DLG2: variants seen among roughly 807,000 people sequenced by gnomAD.
The protein encoded by DLG2 is discs large MAGUK scaffold protein 2.
Under a neutral mutation model 132.5 loss-of-function variants are expected in DLG2, and 45 were observed. The observed-to-expected ratio is 0.34, with a 90% CI of 0.27 to 0.44. The LOEUF (loss-of-function observed/expected upper bound fraction) is 0.44. Among genes scored for constraint, DLG2 ranks in the 20% least tolerant of loss-of-function variants. The pLI is 1.00. For missense variants in DLG2, 1,045 were observed against 1,196.9 expected, an observed-to-expected ratio of 0.87 and a Z score of 1.87; for synonymous variants, 424 against 419.6, an observed-to-expected ratio of 1.01 and a Z score of -0.13.
At chr11:84,999,809 C>T (rs986553995) in intron 6 of DLG2, among the ~76,000 whole-genome samples, 3 of 152,070 alleles carry the variant, frequency 2.0e-5, no homozygotes, top group African/African-American at 7.2e-5. Context: ...AAAGAAAACT[C>T]TTGCCTGGGG....
At chr11:85,472,826 C>T (rs575570437) in intron 3 of DLG2, among the ~76,000 whole-genome samples, 25 of 152,304 alleles carry the variant, frequency 1.6e-4, no homozygotes, top group Non-Finnish European at 2.8e-4. Flanking sequence ...AGCCCAGAAT[C>T]GGGCGAAGGG....
intron 19 of DLG2, among the ~76,000 whole-genome samples, chr11:83,590,445 G>A (rs570450915): frequency 6.6e-5 from 10 of 152,208 alleles, no homozygotes; most frequent in Admixed American, 2.0e-4. Context: ...AAACCAATGA[G>A]AACAAAGACA....
At chr11:84,720,724 G>T (rs2061727143) in intron 6 of DLG2, 1 of 152,762 alleles carries the variant, frequency 6.5e-6, no homozygotes, top group Admixed American at 6.5e-5. Flanking sequence ...GGCACTTAGA[G>T]GAGGGTTCAA....
At chr11:84,059,173 G>C in intron 11 of DLG2, 142 bp downstream of exon 11, 1 of 702,274 alleles carries the variant, frequency 1.4e-6, no homozygotes, top group Non-Finnish European at 2.3e-6. Context: ...TTTACCCTTT[G>C]TAACCACTAC....
chr11:84,802,782 C>G (rs949488788), intron 6 of DLG2, among the ~76,000 whole-genome samples: 4 of 151,908 alleles, frequency 2.6e-5, no homozygotes, highest in African/African-American at 9.7e-5. Flanking sequence ...CTCTTTGTTT[C>G]TTTTTCCTCA....
intron 8 of DLG2, among the ~76,000 whole-genome samples, chr11:84,240,814 AAT>A (rs1235459854): frequency 6.6e-6 from 1 of 152,220 alleles, no homozygotes; most frequent in Non-Finnish European, 1.5e-5. Flanking sequence ...GGGCACCTAC[AAT>A]ATAGCAGATA....
At chr11:85,547,896 TC>T (rs1392498586) in intron 3 of DLG2, among the ~76,000 whole-genome samples, 2 of 152,162 alleles carry the variant, frequency 1.3e-5, no homozygotes, top group Non-Finnish European at 2.9e-5. Flanking sequence ...TAACCCTTTT[TC>T]AAGGTTCTTA....
chr11:83,503,402 T>G (rs368422642), intron 21 of DLG2, among the ~76,000 whole-genome samples: 32 of 34,108 alleles, frequency 9.4e-4, no homozygotes, highest in Non-Finnish European at 1.4e-3. Flanking sequence ...TATATATATA[T>G]ATATATATAT....
intron 7 of DLG2, among the ~76,000 whole-genome samples, chr11:84,513,959 C>G (rs2099264768): frequency 6.6e-6 from 1 of 151,726 alleles, no homozygotes; most frequent in African/African-American, 2.4e-5. Context: ...GGGATTATAG[C>G]CATAATATAT....
intron 16 of DLG2, among the ~76,000 whole-genome samples, chr11:83,871,461 A>G (rs1393786931): frequency 6.6e-6 from 1 of 152,228 alleles, no homozygotes; most frequent in South Asian, 2.1e-4. Flanking sequence ...AACTACATTC[A>G]TTTAAAAAAT....
chr11:84,543,913 G>A (rs1248742262), intron 6 of DLG2, among the ~76,000 whole-genome samples: 2 of 152,166 alleles, frequency 1.3e-5, no homozygotes, highest in African/African-American at 4.8e-5. Flanking sequence ...CAAATCAGCT[G>A]TCTGCTTGCA....
At chr11:85,548,864 C>G (rs1042592140) in intron 3 of DLG2, among the ~76,000 whole-genome samples, 1 of 152,166 alleles carries the variant, frequency 6.6e-6, no homozygotes, top group African/African-American at 2.4e-5. Context: ...CATCGCGGGT[C>G]AAGCTCAGAC....
chr11:84,555,595 T>G (rs941381675), intron 6 of DLG2, among the ~76,000 whole-genome samples: 1 of 152,222 alleles, frequency 6.6e-6, no homozygotes, highest in Non-Finnish European at 1.5e-5. Context: ...TCCATTTATA[T>G]GAAGTGCCTA....
intron 18 of DLG2, among the ~76,000 whole-genome samples, chr11:83,718,083 G>A (rs550551388): frequency 6.6e-6 from 1 of 152,206 alleles, no homozygotes; most frequent in Non-Finnish European, 1.5e-5. Flanking sequence ...TGCAGCACAT[G>A]CTTTTGGGAG....
chr11:85,289,531 C>G (rs1282305482), intron 3 of DLG2, among the ~76,000 whole-genome samples: 1 of 152,170 alleles, frequency 6.6e-6, no homozygotes, highest in African/African-American at 2.4e-5. Context: ...ACCCAAGCCA[C>G]TATCATCAAA....
At chr11:83,577,582 A>G (rs1248170858) in intron 19 of DLG2, among the ~76,000 whole-genome samples, 1 of 117,712 alleles carries the variant, frequency 8.5e-6, no homozygotes, top group Non-Finnish European at 1.7e-5. Context: ...ATATATATAT[A>G]TATATCCTAT....
chr11:85,441,040 G>A (rs1253113911), intron 3 of DLG2, among the ~76,000 whole-genome samples: 3 of 152,194 alleles, frequency 2.0e-5, no homozygotes, highest in Non-Finnish European at 2.9e-5. Flanking sequence ...TAAGCTTTCA[G>A]CTTTTATGAT....
chr11:84,523,848 CTT>C (rs1439207788), intron 7 of DLG2, among the ~76,000 whole-genome samples: 4 of 152,128 alleles, frequency 2.6e-5, no homozygotes, highest in African/African-American at 9.7e-5. Context: ...TCTATAAACA[CTT>C]ATTTTTAAAA....
chr11:85,212,297 C>T (rs1451721268), intron 4 of DLG2, among the ~76,000 whole-genome samples: 1 of 152,014 alleles, frequency 6.6e-6, no homozygotes, highest in Non-Finnish European at 1.5e-5. Context: ...CTCTGATTTC[C>T]ACTCACTCCC....
Sources: gnomAD v4.1 joint callset for allele counts (sites outside exome capture counted in the v4.1 genomes callset) on GRCh38, gnomAD v4.1.1 for gene constraint, MANE v1.5 for transcripts, NCBI Gene and HGNC (gene_info 2026-07-23, HGNC 2026-07-21) for gene names.